Variants in AFG1L observed in about 807,000 individuals in gnomAD.
AFG1L encodes AFG1 like ATPase, also known as AFG1-like ATPase.
Under a neutral mutation model 62.2 loss-of-function variants are expected in AFG1L, and 53 were observed. The ratio of observed to expected loss-of-function variants is 0.85; its 90% CI spans 0.68 to 1.07. The LOEUF is 1.07. Ranked by LOEUF, AFG1L falls within the 50% of genes least tolerant of loss-of-function variation. The probability of loss-of-function intolerance (pLI) is 0.00; values close to 1 mark genes in which losing one functional copy is unlikely to be tolerated. For synonymous variants in AFG1L, 228 were observed against 210.3 expected (o/e 1.08, Z -0.73); for missense variants, 555 against 590.5 (o/e 0.94, Z 0.62).
In AFG1L at chr6:108,321,856, T is replaced by C. The variant is rs149024819; in HGVS notation, c.140-1969T>C. ...CAGAGACCCCAATTATACACTACTT[T>C]AAAAGCAAGATAGAAGTTTATTACT... On this transcript the variant is annotated intron_variant, in intron 1 of 12. Transcript: ENST00000368977. 1.1e-4 allele frequency among the ~76,000 whole-genome samples: 17 copies of C among 152,274 alleles called. No homozygotes were observed. The East Asian group carries it at 3.1e-3, about 28-fold the overall frequency.
chr6:108,298,260 ATTT>A (rs779200181), intron 1 of AFG1L, among the ~76,000 whole-genome samples: 9 of 121,474 alleles, frequency 7.4e-5, no homozygotes, highest in Admixed American at 8.5e-5. Context: ...GAGGGGAAGA[ATTT>A]TTTTTTTTTT....
intron 7 of AFG1L, among the ~76,000 whole-genome samples, chr6:108,432,976 C>G (rs1225126741): frequency 6.6e-6 from 1 of 152,204 alleles, no homozygotes; most frequent in Non-Finnish European, 1.5e-5. Context: ...GCTACAGGAA[C>G]TGGTTGTCGT....
chr6:108,337,164 A>G (rs1259644415), intron 2 of AFG1L, among the ~76,000 whole-genome samples: 1 of 152,204 alleles, frequency 6.6e-6, no homozygotes, highest in Non-Finnish European at 1.5e-5. Flanking sequence ...TTTGAAAGGA[A>G]TGTAGCACGA....
chr6:108,524,871 A>G lies in AFG1L; in HGVS notation c.*2446A>G, dbSNP rs1775266476. 1 of 152,244 alleles carries G rather than the reference A, an allele frequency of 6.6e-6. No homozygotes were observed. The highest frequency in any genetic ancestry group is 2.4e-5 in the African/African-American group (1 of 41,464). 9.4% of individuals were successfully genotyped at this position (152,244 alleles called of 1,614,324 possible). On this transcript the variant is annotated 3_prime_UTR_variant, in exon 13 of 13. Transcript: ENST00000368977. Reference sequence around the variant, plus strand: ...AGAATAGCCATCACTAGGAAACAGTATGGTAGCTCTACTAAAAGAAAAGTA... The same window carrying G: ...AGAATAGCCATCACTAGGAAACAGTGTGGTAGCTCTACTAAAAGAAAAGTA...
At chr6:108,299,225 C>T (rs1317061457) in intron 1 of AFG1L, among the ~76,000 whole-genome samples, 6 of 150,776 alleles carry the variant, frequency 4.0e-5, no homozygotes, top group African/African-American at 7.3e-5. Flanking sequence ...CACACCACTG[C>T]GCTCCAGCCT....
chr6:108,485,650 ATATATATTTTTTTTT>A lies in AFG1L; in HGVS notation c.1062+8360_1062+8374del, dbSNP rs1335924200. On this transcript the variant is annotated intron_variant, in intron 10 of 12. Transcript: ENST00000368977. ...AATATATATATATATATATATATAT[ATATATATTTTTTTTT>A]TTTTTTTTTTTTTTTTTTTTTGAGA... Among the ~76,000 whole-genome samples the A allele has an allele frequency of 6.0e-4, 13 of 21,840 alleles. No homozygotes were observed. In the East Asian group the frequency reaches 6.1e-3, roughly 10 times the overall value. 14.3% of individuals were successfully genotyped at this position (21,840 alleles called of 152,430 possible). A position where few individuals can be genotyped will look rare whatever the true frequency, so the allele number is the denominator to read the frequency against.
intron 2 of AFG1L, among the ~76,000 whole-genome samples, chr6:108,334,987 A>C: frequency 6.7e-6 from 1 of 149,680 alleles, no homozygotes; most frequent in East Asian, 2.0e-4. Context: ...TAGATATTGT[A>C]TTTCTTTCTT....
intron 10 of AFG1L, among the ~76,000 whole-genome samples, chr6:108,503,712 T>C (rs1774292290): frequency 6.6e-6 from 1 of 152,242 alleles, no homozygotes; most frequent in South Asian, 2.1e-4. Flanking sequence ...TCTATCCTTT[T>C]GAAGCTTTGA....
At chr6:108,518,371 A>G (rs372534150) in intron 11 of AFG1L, among the ~76,000 whole-genome samples, 2 of 152,088 alleles carry the variant, frequency 1.3e-5, no homozygotes, top group Non-Finnish European at 1.5e-5. Flanking sequence ...GAAGCTGGAA[A>G]CCATCATTCT....
chr6:108,319,054 T>C (rs1202611240), intron 1 of AFG1L, among the ~76,000 whole-genome samples: 1 of 152,204 alleles, frequency 6.6e-6, no homozygotes, highest in Non-Finnish European at 1.5e-5. Context: ...TCATCTTCAC[T>C]GTACCTTGGT....
At chr6:108,401,074 TTC>T (rs1781582912) in intron 6 of AFG1L, among the ~76,000 whole-genome samples, 1 of 150,936 alleles carries the variant, frequency 6.6e-6, no homozygotes, top group Non-Finnish European at 1.5e-5. Context: ...GTTCAAGTGA[TTC>T]TCCTCCCTCA....
At chr6:108,414,345 A>C (rs1401409891) in intron 7 of AFG1L, among the ~76,000 whole-genome samples, 1 of 152,226 alleles carries the variant, frequency 6.6e-6, no homozygotes, top group African/African-American at 2.4e-5. Context: ...CCAGAGGTAC[A>C]AAGAGGATCT....
intron 1 of AFG1L, among the ~76,000 whole-genome samples, chr6:108,316,832 C>T (rs767528321): frequency 1.1e-4 from 16 of 152,104 alleles, no homozygotes; most frequent in African/African-American, 2.7e-4. Context: ...GCGCTCGGCC[C>T]GCTCTGATGT....
At chr6:108,491,606 G>A (rs757381229) in intron 10 of AFG1L, among the ~76,000 whole-genome samples, 2 of 152,134 alleles carry the variant, frequency 1.3e-5, no homozygotes, top group Non-Finnish European at 1.5e-5. Flanking sequence ...ATGTTATTCC[G>A]GCCTTTCATG....
At position 108,435,293 on chromosome 6, in the gene AFG1L, G is replaced by T. The variant is rs566511899; in HGVS notation, c.808-11921G>T. Among the ~76,000 whole-genome samples, 12 of 152,312 alleles carry T rather than the reference G, an allele frequency of 7.9e-5. No individual in the cohort carries two copies. The South Asian group carries it at 2.5e-3, about 32-fold the overall frequency. On this transcript the variant is annotated intron_variant, in intron 7 of 12. Transcript: ENST00000368977. ...GATAGGGATACTGGCCAGGTAGGAG[G>T]ACTTTACCTCTGGGCATGGGAACCA...
At chr6:108,297,878 AAGG>A (rs1377086205) in intron 1 of AFG1L, among the ~76,000 whole-genome samples, 2 of 127,156 alleles carry the variant, frequency 1.6e-5, no homozygotes, top group African/African-American at 4.7e-5. Context: ...AAAAAAAAAA[AAGG>A]AAAAGTGAAT....
rs77688618 is a variant in AFG1L at position 108,299,796 on chromosome 6, A to C, written c.139+4578A>C. Among the ~76,000 whole-genome samples, 56 of 152,292 alleles carry C rather than the reference A, an allele frequency of 3.7e-4. No individual in the cohort carries two copies. In the East Asian group the frequency reaches 9.3e-3, roughly 25 times the overall value. On this transcript the variant is annotated intron_variant, in intron 1 of 12. Transcript: ENST00000368977. ...CTAAAAATAGAAGAGAAAAGAAAAG[A>C]AAAAGCAAAAGCTGAGGGCTAGTGC...
At chr6:108,417,059 C>G (rs1421645975) in intron 7 of AFG1L, among the ~76,000 whole-genome samples, 1 of 151,602 alleles carries the variant, frequency 6.6e-6, no homozygotes, top group African/African-American at 2.4e-5. Context: ...ATGGCAAGAC[C>G]TCATCTCTAC....
chr6:108,360,397 A>T (rs1355475638), intron 5 of AFG1L, among the ~76,000 whole-genome samples: 2 of 152,146 alleles, frequency 1.3e-5, no homozygotes, highest in Non-Finnish European at 2.9e-5. Flanking sequence ...ACAATACCAA[A>T]TTGATTGCTT....
Sources: allele counts gnomAD v4.1 joint callset (sites outside exome capture counted in the v4.1 genomes callset), GRCh38; gene constraint gnomAD v4.1.1; transcripts MANE v1.5; gene names NCBI Gene and HGNC (gene_info 2026-07-23, HGNC 2026-07-21).